LYPD6B: variants seen among roughly 807,000 people sequenced by gnomAD.
LYPD6B encodes LY6/PLAUR domain containing 6B, also known as ly6/PLAUR domain-containing protein 6B.
Under a neutral mutation model 22.8 loss-of-function variants are expected in LYPD6B, and 17 were observed. The ratio of observed to expected loss-of-function variants is 0.75; its 90% CI spans 0.51 to 1.12. The LOEUF (loss-of-function observed/expected upper bound fraction) is 1.12, where lower values mean the gene tolerates loss of function less well. LYPD6B is among the 50% of genes most tolerant of loss of function. LYPD6B has a pLI of 0.00. For missense variants in LYPD6B, 221 were observed against 258.3 expected, an observed-to-expected ratio of 0.86 and a Z score of 0.99; for synonymous variants, 106 against 91.6, an observed-to-expected ratio of 1.16 and a Z score of -0.90.
intron 3 of LYPD6B, chr2:149,187,578 T>C (rs1692205631): frequency 7.2e-7 from 1 of 1,391,106 alleles, no homozygotes. Flanking sequence ...GCCTGACACA[T>C]TGTAGGTGCC....
At chr2:149,102,842 G>T (rs2105495277) in intron 1 of LYPD6B, among the ~76,000 whole-genome samples, 1 of 152,258 alleles carries the variant, frequency 6.6e-6, no homozygotes, top group East Asian at 1.9e-4. Context: ...ATGTTGGCCA[G>T]GCTGGTCTCA....
chr2:149,107,752 T>A (rs997543300), intron 1 of LYPD6B, among the ~76,000 whole-genome samples: 1 of 152,226 alleles, frequency 6.6e-6, no homozygotes, highest in African/African-American at 2.4e-5. Flanking sequence ...GACTTGAATG[T>A]TTTAAATCTA....
chr2:149,214,526 T>A lies in LYPD6B; in HGVS notation c.460-20T>A, dbSNP rs1694073604. ...TCTTCTATTATTCACTGTCATTTCC[T>A]CTCTCCTTTTTTGTAACAGGAGTGT... On this transcript the variant is annotated intron_variant, in intron 6 of 6. Transcript: ENST00000409642. The A allele has an allele frequency of 6.2e-7, 1 of 1,610,814 alleles. No individual in the cohort carries two copies. Among genetic ancestry groups the A allele is most frequent in the Non-Finnish European group, 8.5e-7 (1 of 1,177,246 alleles).
chr2:149,102,822 G>A (rs150705462), intron 1 of LYPD6B, among the ~76,000 whole-genome samples: 2,287 of 152,196 alleles, frequency 0.015, 31 homozygotes, highest in African/African-American at 0.032. Context: ...TGTAGAGACA[G>A]GGTTTTGCCA....
intron 3 of LYPD6B, among the ~76,000 whole-genome samples, chr2:149,193,124 C>T (rs554877187): frequency 6.6e-6 from 1 of 152,248 alleles, no homozygotes; most frequent in South Asian, 2.1e-4. Flanking sequence ...CAATTAGGGT[C>T]ATCGGTGCTT....
chr2:149,102,304 G>GT (rs1395990505), intron 1 of LYPD6B, among the ~76,000 whole-genome samples: 1 of 152,202 alleles, frequency 6.6e-6, no homozygotes, highest in Non-Finnish European at 1.5e-5. Flanking sequence ...GAAACAGTGA[G>GT]TTAGTATAAA....
At chr2:149,058,820 A>G (rs538203156) in intron 1 of LYPD6B, among the ~76,000 whole-genome samples, 7 of 152,290 alleles carry the variant, frequency 4.6e-5, no homozygotes, top group Non-Finnish European at 1.0e-4. Context: ...GGGTTTCAGC[A>G]TGTTGGCCAG....
rs147983044 is a variant in LYPD6B, at chr2:149,120,983, G to C, written c.-66-9900G>C. ...ATTTTTGTATTTTCAGTAGAGACAG[G>C]GTTTCACCATGTTGGCCAGGCTGGT... On this transcript the variant is annotated intron_variant, in intron 1 of 6. Coordinates refer to ENST00000409642, the MANE Select transcript of LYPD6B (RefSeq NM_177964.5). Among the ~76,000 whole-genome samples, 78 of 151,614 alleles carry C rather than the reference G, an allele frequency of 5.1e-4. 2 individuals are homozygous for C. The East Asian group carries it at 0.013, about 26-fold the overall frequency.
rs371015359 is a variant in LYPD6B, at chr2:149,048,618, T to C, written c.-67+9817T>C. On this transcript the variant is annotated intron_variant, in intron 1 of 6. Coordinates refer to ENST00000409642, the MANE Select transcript of LYPD6B (RefSeq NM_177964.5). ...CTTCCTGCAAGTGCCTCTCTAGATT[T>C]TGGGCTAGTTTGTTCTCCTTTGCCT... Among the ~76,000 whole-genome samples, 33 of 152,346 alleles carry C rather than the reference T, an allele frequency of 2.2e-4. No homozygotes were observed. In the East Asian group the frequency reaches 5.6e-3, roughly 26 times the overall value.
At chr2:149,096,880 C>A (rs554085655) in intron 1 of LYPD6B, among the ~76,000 whole-genome samples, 3 of 152,228 alleles carry the variant, frequency 2.0e-5, no homozygotes, top group East Asian at 1.9e-4. Context: ...CCTGGCCCAA[C>A]GGAAATAATT....
At chr2:149,182,995 AT>A (rs58950344) in intron 3 of LYPD6B, among the ~76,000 whole-genome samples, 3 of 151,972 alleles carry the variant, frequency 2.0e-5, no homozygotes, top group African/African-American at 7.2e-5. Flanking sequence ...GAAATATACC[AT>A]TTTTTTTAGA....
chr2:149,152,769 G>A (rs1689459028), intron 2 of LYPD6B, among the ~76,000 whole-genome samples: 1 of 152,198 alleles, frequency 6.6e-6, no homozygotes, highest in Non-Finnish European at 1.5e-5. Context: ...CAGAGGTTGA[G>A]TAAGCTGCCT....
intron 3 of LYPD6B, among the ~76,000 whole-genome samples, chr2:149,186,939 C>T (rs1692148655): frequency 6.6e-6 from 1 of 152,208 alleles, no homozygotes; most frequent in Admixed American, 6.5e-5. Flanking sequence ...GCCACCCCAA[C>T]CTTTAGCAAC....
At chr2:149,080,857 A>C (rs984226807) in intron 1 of LYPD6B, among the ~76,000 whole-genome samples, 2 of 133,140 alleles carry the variant, frequency 1.5e-5, no homozygotes, top group South Asian at 2.5e-4. Context: ...AAAAAAAAAA[A>C]AAAAAAAAAA....
intron 1 of LYPD6B, among the ~76,000 whole-genome samples, chr2:149,054,743 G>A (rs1293730309): frequency 2.0e-5 from 3 of 152,068 alleles, no homozygotes; most frequent in Non-Finnish European, 4.4e-5. Context: ...GCTGGGCATC[G>A]TGGCGTGCAC....
intron 1 of LYPD6B, among the ~76,000 whole-genome samples, chr2:149,052,376 A>G (rs1228558659): frequency 3.3e-5 from 5 of 152,132 alleles, no homozygotes; most frequent in Non-Finnish European, 7.4e-5. Flanking sequence ...TTTTAAATCT[A>G]TGTTAGGAGT....
At chr2:149,132,635 A>G (rs1688102084) in intron 2 of LYPD6B, among the ~76,000 whole-genome samples, 1 of 151,954 alleles carries the variant, frequency 6.6e-6, no homozygotes, top group Non-Finnish European at 1.5e-5. Flanking sequence ...ACTGCTAAAG[A>G]CTGGGGACAA....
intron 1 of LYPD6B, among the ~76,000 whole-genome samples, chr2:149,098,467 A>C (rs1686010268): frequency 6.6e-6 from 1 of 151,968 alleles, no homozygotes; most frequent in South Asian, 2.1e-4. Flanking sequence ...TCTACTAAAA[A>C]TACGAAAAAA....
chr2:149,094,651 T>C (rs1025548064), intron 1 of LYPD6B, among the ~76,000 whole-genome samples: 9 of 152,158 alleles, frequency 5.9e-5, no homozygotes, highest in African/African-American at 1.9e-4. Flanking sequence ...TAAACAAAAA[T>C]AGATTTTACT....
Sources: allele counts gnomAD v4.1 joint callset (sites outside exome capture counted in the v4.1 genomes callset), GRCh38; gene constraint gnomAD v4.1.1; transcripts MANE v1.5; gene names NCBI Gene and HGNC (gene_info 2026-07-23, HGNC 2026-07-21).